The following ANKRD11 variants were observed in gnomAD, a reference collection of about 807,000 sequenced individuals.
ANKRD11 encodes the protein ankyrin repeat domain 11, also known as ankyrin repeat domain-containing protein 11.
ANKRD11 carries 17 observed loss-of-function variants against 195.7 expected under a neutral mutation model. The ratio of observed to expected loss-of-function variants is 0.09; its 90% confidence interval spans 0.06 to 0.13. The LOEUF is 0.13. Ranked by LOEUF, ANKRD11 falls within the 10% of genes least tolerant of loss-of-function variation. The pLI is 1.00. For missense variants in ANKRD11, 3,735 were observed against 3,566.1 expected, an observed-to-expected ratio of 1.05 and a Z score of -1.21; for synonymous variants, 1,953 against 1,528.1, an observed-to-expected ratio of 1.28 and a Z score of -6.49.
In ANKRD11 at chr16:89,285,247, G is replaced by C. The variant is rs148472572; in HGVS notation, c.1295C>G (p.Thr432Arg). Residue 432 changes from threonine to arginine, a missense_variant, in exon 9 of 13, where the codon ACG becomes AGG. By Grantham distance (71) the Thr-to-Arg change is moderately conservative (BLOSUM62 -1). Transcript: ENST00000301030. The surrounding 1 kb of genome is among the most constrained non-coding windows in gnomAD (Gnocchi z 5.6). ...TGEKLRLSAHTILPGSKTREP... is the reference protein window; with the variant it reads ...TGEKLRLSAHRILPGSKTREP... Reference sequence around the variant, plus strand: ...TCGTGTCTTACTACCAGGCAATATCGTATGTGCCGAGAGTCTCAGCTTCTC... The same window carrying C: ...TCGTGTCTTACTACCAGGCAATATCCTATGTGCCGAGAGTCTCAGCTTCTC... 6.8e-6 allele frequency: 11 copies of C among 1,613,628 alleles called. No homozygotes were observed. The South Asian group carries it at 7.7e-5, about 11-fold the overall frequency.
Position 89,280,541 on chromosome 16 carries a change from G to A in ANKRD11, c.6001C>T (p.His2001Tyr), listed in dbSNP as rs1567560327. The stretch of plus-strand genomic sequence containing the variant: ...CTGAAGGGCCCTGGGGCGGCAGAGT[G>A]GAGGGGGTCCGCGGGGCAGAAACGC... ...PKRFCPADPLHSAAPGPFSAS... is the reference protein window; with the variant it reads ...PKRFCPADPLYSAAPGPFSAS... Residue 2001 changes from histidine (H) to tyrosine (Y), a missense_variant, in exon 9 of 13, where the codon CAC becomes TAC. His to Tyr is a moderately conservative substitution (Grantham distance 83, BLOSUM62 2). Coordinates refer to ENST00000301030, the MANE Select transcript of ANKRD11 (RefSeq NM_013275.6). 2 of 1,612,690 alleles carry A rather than the reference G, an allele frequency of 1.2e-6. No individual in the cohort carries two copies. Among genetic ancestry groups the A allele is most frequent in the Admixed American group, 1.7e-5 (1 of 59,996 alleles).
chr16:89,388,293 ATTTTTTTTTTTTT>A (rs71134215), intron 2 of ANKRD11, among the ~76,000 whole-genome samples: 6 of 85,266 alleles, frequency 7.0e-5, no homozygotes, highest in African/African-American at 2.6e-4. Flanking sequence ...CATGAGGCTG[ATTTTTTTTTTTTT>A]TTTTTTTTTG....
At chr16:89,303,929 G>C (rs1474104019) in intron 4 of ANKRD11, among the ~76,000 whole-genome samples, 5 of 152,214 alleles carry the variant, frequency 3.3e-5, no homozygotes, top group Non-Finnish European at 7.3e-5. Context: ...TCCTGGCACA[G>C]CCTCTACGCC....
intron 1 of ANKRD11, among the ~76,000 whole-genome samples, chr16:89,488,677 G>A (rs958860640): frequency 6.6e-6 from 1 of 152,068 alleles, no homozygotes; most frequent in South Asian, 2.1e-4. Flanking sequence ...TTTTTCCACA[G>A]GTAATATCAT....
intron 2 of ANKRD11, among the ~76,000 whole-genome samples, chr16:89,415,836 A>AAAAAAAAAAAAAAAAAAC (rs1567774075): frequency 4.3e-5 from 6 of 141,098 alleles, no homozygotes; most frequent in African/African-American, 1.6e-4. Context: ...TCTCAAAAAA[A>AAAAAAAAAAAAAAAAAAC]AAAAAAAAAA....
chr16:89,307,677 T>C (rs1038254614), intron 3 of ANKRD11, among the ~76,000 whole-genome samples: 1 of 152,220 alleles, frequency 6.6e-6, no homozygotes, highest in African/African-American at 2.4e-5. Context: ...CCCCGCCGCC[T>C]GGCTGCAGCT....
At position 89,490,507 on chromosome 16, in the gene ANKRD11, G is replaced by A; in HGVS notation, c.-407C>T. The A allele has an allele frequency of 4.3e-6, 2 of 468,652 alleles. No homozygotes were observed. Among genetic ancestry groups the A allele is most frequent in the Non-Finnish European group, 3.8e-6 (1 of 260,720 alleles). The allele number at this position is 468,652 out of a possible 1,614,324, so 29.0% of individuals were successfully genotyped here. On this transcript the variant is annotated 5_prime_UTR_variant, in exon 1 of 13. Transcript: ENST00000301030. The stretch of plus-strand genomic sequence containing the variant: ...GCGTCTGGCCGCGGGCTCGGCGGCG[G>A]CGCCTCCCCGGCTGGGGCCCTCGGT...
At chr16:89,293,735 G>A (rs1316929966) in intron 4 of ANKRD11, among the ~76,000 whole-genome samples, 2 of 150,560 alleles carry the variant, frequency 1.3e-5, no homozygotes, top group African/African-American at 4.9e-5. Context: ...GTGGGGCTGC[G>A]GAGGGAGGAG....
Position 89,297,279 on chromosome 16 carries a change from T to C in ANKRD11, c.227-6096A>G, listed in dbSNP as rs191839993. On this transcript the variant is annotated intron_variant, in intron 4 of 12. Transcript: ENST00000301030. Reference sequence around the variant, plus strand: ...CAACTCCTGCGTCCCACCGTAAAACTCGAAGACGTCAAAATACATTCTTGA... The same window carrying C: ...CAACTCCTGCGTCCCACCGTAAAACCCGAAGACGTCAAAATACATTCTTGA... Among the ~76,000 whole-genome samples the C allele has an allele frequency of 1.0e-3, 152 of 152,314 alleles. 1 individual carries two copies. The highest frequency in any genetic ancestry group is 5.9e-4 in the Non-Finnish European group (40 of 68,014).
Position 89,279,686 on chromosome 16 carries a change from C to T in ANKRD11, c.6856G>A (p.Asp2286Asn). Residue 2286 changes from aspartate to asparagine, a missense_variant, in exon 9 of 13, where the codon GAC becomes AAC. By Grantham distance (23) the Asp-to-Asn change is conservative (BLOSUM62 1). Coordinates refer to ENST00000301030, the MANE Select transcript of ANKRD11 (RefSeq NM_013275.6). This position sits in a 1 kb window ranked among gnomAD's most constrained non-coding sequence, Gnocchi z 5.6. ...PNTVAQAQAA[D>N]GAGPEDDTEA... Reference sequence around the variant, plus strand: ...GTGTCGTCCTCGGGGCCGGCACCGTCTGCGGCCTGAGCTTGTGCCACAGTG... The same window carrying T: ...GTGTCGTCCTCGGGGCCGGCACCGTTTGCGGCCTGAGCTTGTGCCACAGTG... 1 of 1,491,188 alleles carries T rather than the reference C, an allele frequency of 6.7e-7. No individual in the cohort carries two copies. The highest frequency in any genetic ancestry group is 1.3e-5 in the South Asian group (1 of 77,628). 92.4% of individuals were successfully genotyped at this position (1,491,188 alleles called of 1,614,324 possible). A position where few individuals can be genotyped will look rare whatever the true frequency, so the allele number is the denominator to read the frequency against.
At chr16:89,278,551 G>A (rs1233158050) in intron 9 of ANKRD11, 1 of 456,862 alleles carries the variant, frequency 2.2e-6, no homozygotes, top group Non-Finnish European at 4.4e-6. Context: ...ACAAGGTGAG[G>A]CTGGGGGCCG....
intron 2 of ANKRD11, among the ~76,000 whole-genome samples, chr16:89,391,227 CAAA>C (rs35753411): frequency 0.049 from 4,686 of 95,266 alleles, 253 homozygotes; most frequent in African/African-American, 0.17. Context: ...GACTCTGTCT[CAAA>C]AAAAAAAAAA....
intron 2 of ANKRD11, among the ~76,000 whole-genome samples, chr16:89,406,301 G>T (rs960149521): frequency 9.2e-5 from 14 of 152,168 alleles, no homozygotes; most frequent in African/African-American, 3.1e-4. Flanking sequence ...CAACGGCACT[G>T]ACAGAAGCAC....
At chr16:89,332,398 G>A (rs1420530918) in intron 2 of ANKRD11, among the ~76,000 whole-genome samples, 1 of 152,158 alleles carries the variant, frequency 6.6e-6, no homozygotes. Context: ...CCAAGTCCCC[G>A]AGGACAGAGA....
Position 89,317,003 on chromosome 16 carries a change from C to T in ANKRD11, c.17G>A (p.Cys6Tyr), listed in dbSNP as rs1219877230. The T allele has an allele frequency of 6.2e-7, 1 of 1,613,714 alleles. No individual in the cohort carries two copies. The highest frequency in any genetic ancestry group is 1.7e-5 in the Admixed American group (1 of 59,968). The part of the protein sequence containing the change: MPKGG[C>Y]PKAPQQEELP... ...CTCTTCCTGCTGTGGTGCTTTAGGG[C>T]ACCCACCCTTGGGCATCGTCCTGCT... The change falls in exon 3 of 13, where the codon TGC (cysteine) becomes TAC (tyrosine). Residue 6 changes from cysteine to tyrosine, a missense_variant. Cys to Tyr is a radical substitution (Grantham distance 194). Coordinates refer to ENST00000301030, the MANE Select transcript of ANKRD11 (RefSeq NM_013275.6).
rs1210090113 is a variant in ANKRD11 at position 89,268,337 on chromosome 16, G to A, written c.*141C>T. 2.1e-5 allele frequency: 10 copies of A among 470,832 alleles called. No individual in the cohort carries two copies. Among genetic ancestry groups the A allele is most frequent in the South Asian group, 1.7e-4 (8 of 47,834 alleles). The allele number at this position is 470,832 out of a possible 1,614,324, so 29.2% of individuals were successfully genotyped here. A position where few individuals can be genotyped will look rare whatever the true frequency, so the allele number is the denominator to read the frequency against. Reference sequence around the variant, plus strand: ...CTGGACCAGTCTGGAAGGGATGGAGGCGCTGTGGCCAAGTGCAGTCTCTCT... The same window carrying A: ...CTGGACCAGTCTGGAAGGGATGGAGACGCTGTGGCCAAGTGCAGTCTCTCT... On this transcript the variant is annotated 3_prime_UTR_variant, in exon 13 of 13. Transcript: ENST00000301030.
At chr16:89,327,072 T>C (rs1333789652) in intron 2 of ANKRD11, among the ~76,000 whole-genome samples, 2 of 147,824 alleles carry the variant, frequency 1.4e-5, no homozygotes, top group East Asian at 2.0e-4. Flanking sequence ...AGGTGGGGAA[T>C]GCAGAGGTTG....
At chr16:89,407,067 C>T (rs1006785831) in intron 2 of ANKRD11, among the ~76,000 whole-genome samples, 2 of 151,908 alleles carry the variant, frequency 1.3e-5, no homozygotes, top group African/African-American at 4.8e-5. Flanking sequence ...GCATCTGTAA[C>T]CCCAGGTACT....
In ANKRD11 at chr16:89,321,721, T is replaced by C. The variant is rs150484075; in HGVS notation, c.-59-4643A>G. ...CTCACAGAAAAAAAAAAAGACTTCT[T>C]TGGGGTTGAAATTCACCTTCAATAA... On this transcript the variant is annotated intron_variant, in intron 2 of 12. Coordinates refer to ENST00000301030, the MANE Select transcript of ANKRD11 (RefSeq NM_013275.6). Among the ~76,000 whole-genome samples, 877 of 152,266 alleles carry C rather than the reference T, an allele frequency of 5.8e-3. 7 individuals are homozygous for C. The highest frequency in any genetic ancestry group is 0.02 in the African/African-American group (843 of 41,552).
Sources: allele counts gnomAD v4.1 joint callset (sites outside exome capture counted in the v4.1 genomes callset), GRCh38; gene constraint gnomAD v4.1.1; non-coding constraint Gnocchi (gnomAD v3.1); transcripts MANE v1.5; gene names NCBI Gene and HGNC (gene_info 2026-07-23, HGNC 2026-07-21).